Variants in EPHA6 observed in about 807,000 individuals in gnomAD.
EPHA6 encodes ephrin type-A receptor 6.
In EPHA6, 50 loss-of-function variants were observed where a neutral mutation model predicts 112.0. That is an observed-to-expected ratio of 0.45 (90% CI 0.36 to 0.56). EPHA6 has a LOEUF of 0.56. Among genes scored for constraint, EPHA6 ranks in the 20% least tolerant of loss-of-function variants. EPHA6 has a pLI of 0.00. For synonymous variants in EPHA6, 529 were observed against 490.7 expected (o/e 1.08, Z -1.03); for missense variants, 1,280 against 1,417.4 (o/e 0.90, Z 1.56).
intron 12 of EPHA6, among the ~76,000 whole-genome samples, chr3:97,600,544 T>C (rs2093634784): frequency 6.6e-6 from 1 of 152,152 alleles, no homozygotes; most frequent in Admixed American, 6.6e-5. Context: ...CTCCTCATTA[T>C]AAACCAGGTG....
At chr3:97,660,070 T>C (rs2094160101) in intron 14 of EPHA6, among the ~76,000 whole-genome samples, 1 of 152,066 alleles carries the variant, frequency 6.6e-6, no homozygotes, top group African/African-American at 2.4e-5. Context: ...TCGTTTAAAT[T>C]CTGTTTCTGG....
At chr3:96,886,918 C>G (rs993831491) in intron 2 of EPHA6, among the ~76,000 whole-genome samples, 93 of 152,188 alleles carry the variant, frequency 6.1e-4, no homozygotes, top group African/African-American at 2.2e-3. Context: ...AAAAGTGTGT[C>G]CAAAGTTTCC....
chr3:96,907,428 C>T (rs1304318039), intron 2 of EPHA6, among the ~76,000 whole-genome samples: 3 of 151,668 alleles, frequency 2.0e-5, no homozygotes, highest in Non-Finnish European at 4.4e-5. Context: ...CTTCTGATGT[C>T]TTGCAACTAT....
At chr3:97,695,795 T>A (rs1013210732) in intron 14 of EPHA6, among the ~76,000 whole-genome samples, 2 of 152,178 alleles carry the variant, frequency 1.3e-5, no homozygotes, top group African/African-American at 4.8e-5. Context: ...TGCTTCGGCC[T>A]CCCAAAGTGC....
chr3:96,892,634 G>A (rs2038032549), intron 2 of EPHA6, among the ~76,000 whole-genome samples: 1 of 151,866 alleles, frequency 6.6e-6, no homozygotes, highest in South Asian at 2.1e-4. Context: ...TGTAATGACT[G>A]CCCAAATCTC....
chr3:96,984,085 G>A (rs149236408), intron 2 of EPHA6, among the ~76,000 whole-genome samples: 15 of 152,156 alleles, frequency 9.9e-5, no homozygotes, highest in Middle Eastern at 6.8e-3. Flanking sequence ...GCTTTTTTCC[G>A]TTGCTGGCGA....
At chr3:97,167,900 A>G (rs1275108160) in intron 3 of EPHA6, among the ~76,000 whole-genome samples, 1 of 151,950 alleles carries the variant, frequency 6.6e-6, no homozygotes, top group Non-Finnish European at 1.5e-5. Context: ...CCATTTTAAT[A>G]CTCTGAAGTT....
At chr3:97,390,558 T>G (rs1338890210) in intron 5 of EPHA6, among the ~76,000 whole-genome samples, 3 of 151,218 alleles carry the variant, frequency 2.0e-5, no homozygotes, top group Non-Finnish European at 2.9e-5. Context: ...CACATATACA[T>G]ATTGTATTAT....
intron 3 of EPHA6, among the ~76,000 whole-genome samples, chr3:97,095,971 A>C (rs1211328668): frequency 1.3e-5 from 2 of 151,926 alleles, no homozygotes; most frequent in African/African-American, 2.4e-5. Context: ...CAGAACATGA[A>C]TGTGATGGCT....
intron 2 of EPHA6, among the ~76,000 whole-genome samples, chr3:96,969,435 C>T (rs866669814): frequency 2.0e-4 from 30 of 151,844 alleles, no homozygotes; most frequent in African/African-American, 6.8e-4. Context: ...CTTTGACCTT[C>T]CAAGAACCAT....
intron 5 of EPHA6, among the ~76,000 whole-genome samples, chr3:97,371,481 C>G (rs568739464): frequency 2.0e-5 from 3 of 152,152 alleles, no homozygotes; most frequent in African/African-American, 4.8e-5. Flanking sequence ...AATCAATACC[C>G]TTGTGATTTC....
chr3:97,654,019 TAA>T (rs2094122825), intron 14 of EPHA6, among the ~76,000 whole-genome samples: 1 of 151,886 alleles, frequency 6.6e-6, no homozygotes, highest in African/African-American at 2.4e-5. Flanking sequence ...CAAAGGGTAC[TAA>T]GTTTTAGTTA....
At chr3:97,071,632 C>G (rs917702703) in intron 3 of EPHA6, among the ~76,000 whole-genome samples, 5 of 152,010 alleles carry the variant, frequency 3.3e-5, no homozygotes, top group Non-Finnish European at 7.4e-5. Context: ...GATTCAATTA[C>G]CTCTCCCTGG....
intron 10 of EPHA6, among the ~76,000 whole-genome samples, chr3:97,532,081 A>G (rs1407088058): frequency 6.6e-6 from 1 of 152,062 alleles, no homozygotes; most frequent in Non-Finnish European, 1.5e-5. Flanking sequence ...AGCATTACCC[A>G]TTCTGCTAGT....
At chr3:96,930,905 T>C (rs2040279124) in intron 2 of EPHA6, among the ~76,000 whole-genome samples, 1 of 140,392 alleles carries the variant, frequency 7.1e-6, no homozygotes, top group Non-Finnish European at 1.5e-5. Context: ...GACAGGAGAA[T>C]CACTTGAACC....
At chr3:97,538,963 A>G (rs1018885962) in intron 11 of EPHA6, among the ~76,000 whole-genome samples, 2 of 150,846 alleles carry the variant, frequency 1.3e-5, no homozygotes, top group Admixed American at 1.3e-4. Flanking sequence ...TAGCTACTAC[A>G]TACTGGACAC....
chr3:97,472,757 A>C (rs983341070), intron 7 of EPHA6, among the ~76,000 whole-genome samples: 1 of 151,884 alleles, frequency 6.6e-6, no homozygotes, highest in African/African-American at 2.4e-5. Flanking sequence ...TTAATTCAAC[A>C]TTATCATTTT....
intron 5 of EPHA6, among the ~76,000 whole-genome samples, chr3:97,329,646 C>T (rs1393564816): frequency 6.6e-6 from 1 of 152,080 alleles, no homozygotes; most frequent in Admixed American, 6.6e-5. Flanking sequence ...TATCCTTCAC[C>T]CACTTTTTGA....
chr3:97,477,166 A>G (rs1167118785), intron 8 of EPHA6, among the ~76,000 whole-genome samples: 1 of 152,158 alleles, frequency 6.6e-6, no homozygotes, highest in Non-Finnish European at 1.5e-5. Flanking sequence ...TATAGAGGAC[A>G]GAAAGCAAAT....
Sources: allele counts gnomAD v4.1 joint callset (sites outside exome capture counted in the v4.1 genomes callset), GRCh38; gene constraint gnomAD v4.1.1; transcripts MANE v1.5; gene names NCBI Gene and HGNC (gene_info 2026-07-23, HGNC 2026-07-21).